ANKFN1: variants seen among roughly 807,000 people sequenced by gnomAD.
The protein encoded by ANKFN1 is ankyrin repeat and fibronectin type-III domain-containing protein 1.
ANKFN1 carries 74 observed loss-of-function variants against 108.7 expected under a neutral mutation model. The observed-to-expected ratio is 0.68, with a 90% CI of 0.56 to 0.83. The LOEUF is 0.83. Ranked by LOEUF, ANKFN1 falls within the 40% of genes least tolerant of loss-of-function variation. ANKFN1 has a pLI of 0.00. For missense variants in ANKFN1, 1,505 were observed against 1,382.3 expected, an observed-to-expected ratio of 1.09 and a Z score of -1.41; for synonymous variants, 547 against 516.2, an observed-to-expected ratio of 1.06 and a Z score of -0.81.
At chr17:56,329,818 G>A (rs958873690) in intron 4 of ANKFN1, among the ~76,000 whole-genome samples, 1 of 152,164 alleles carries the variant, frequency 6.6e-6, no homozygotes, top group African/African-American at 2.4e-5. Flanking sequence ...GAAGATATTA[G>A]GTCATAAGAA....
chr17:56,176,077 G>T (rs1388746857), intron 1 of ANKFN1, among the ~76,000 whole-genome samples: 1 of 151,866 alleles, frequency 6.6e-6, no homozygotes, highest in Non-Finnish European at 1.5e-5. Context: ...GGGAGGGGAG[G>T]ATTGTTCTTA....
chr17:56,437,356 A>G (rs2048962370), intron 8 of ANKFN1, among the ~76,000 whole-genome samples: 1 of 152,198 alleles, frequency 6.6e-6, no homozygotes. Flanking sequence ...TTTGCCAAAT[A>G]ATCTGGTATT....
At chr17:56,050,111 G>A (rs1193480587) in intron 4 of ANKFN1, among the ~76,000 whole-genome samples, 1 of 151,832 alleles carries the variant, frequency 6.6e-6, no homozygotes, top group Non-Finnish European at 1.5e-5. Flanking sequence ...GTATCTCATA[G>A]TGGTTTTGAT....
At chr17:56,234,065 C>G (rs1047749526) in intron 3 of ANKFN1, among the ~76,000 whole-genome samples, 10 of 152,076 alleles carry the variant, frequency 6.6e-5, no homozygotes, top group Non-Finnish European at 1.5e-4. Flanking sequence ...ATTCTCATCA[C>G]TTTCTTAAAC....
At chr17:56,080,529 T>C (rs983109256) in intron 4 of ANKFN1, among the ~76,000 whole-genome samples, 2 of 152,250 alleles carry the variant, frequency 1.3e-5, no homozygotes, top group East Asian at 3.8e-4. Context: ...CACAAGGATG[T>C]TGCTAAGCTT....
rs542214698 is a variant in ANKFN1, at chr17:56,501,688, G to T, written c.2644+2590G>T. On this transcript the variant is annotated intron_variant, in intron 20 of 20. Coordinates refer to ENST00000682825, the MANE Select transcript of ANKFN1 (RefSeq NM_001370326.1). ...GATGTTTGAAGCTAGGAAAATGCTT[G>T]GGATTCCCTGGAAAGAGGAGGTAGA... Among the ~76,000 whole-genome samples the T allele has an allele frequency of 7.6e-4, 116 of 152,262 alleles. 1 individual carries two copies. Among genetic ancestry groups the T allele is most frequent in the African/African-American group, 2.4e-3 (100 of 41,558 alleles).
At chr17:56,345,117 C>T (rs980238228) in intron 4 of ANKFN1, among the ~76,000 whole-genome samples, 8 of 152,012 alleles carry the variant, frequency 5.3e-5, no homozygotes, top group Admixed American at 5.2e-4. Flanking sequence ...TTGTTCAACC[C>T]CACTTATGAG....
chr17:56,056,861 GTTTGAC>G (rs1904889475), intron 4 of ANKFN1, among the ~76,000 whole-genome samples: 1 of 152,190 alleles, frequency 6.6e-6, no homozygotes, highest in Non-Finnish European at 1.5e-5. Context: ...TTGCTGCATT[GTTTGAC>G]TTTGACTCTC....
intron 4 of ANKFN1, among the ~76,000 whole-genome samples, chr17:56,126,375 A>C (rs1290063014): frequency 6.6e-6 from 1 of 152,162 alleles, no homozygotes. Flanking sequence ...TGCTGTCTGC[A>C]AAGAGATGCT....
intron 3 of ANKFN1, among the ~76,000 whole-genome samples, chr17:56,317,657 T>C (rs1598399031): frequency 2.0e-5 from 3 of 152,136 alleles, no homozygotes; most frequent in African/African-American, 7.2e-5. Context: ...CTCCTAAGGG[T>C]ATCGGGTTTA....
rs564254414 is a variant in ANKFN1 at position 56,071,683 on chromosome 17, A to C, written c.288+25358A>C. Among the ~76,000 whole-genome samples, 3 of 152,326 alleles carry C rather than the reference A, an allele frequency of 2.0e-5. No homozygotes were observed. The South Asian group carries it at 6.2e-4, about 32-fold the overall frequency. ...CTATTACAACAAAAACATTATATCCATCTCCCAGTGTAACTTCACACCTGT... is the reference window on the plus strand; with the variant it reads ...CTATTACAACAAAAACATTATATCCCTCTCCCAGTGTAACTTCACACCTGT... On this transcript the variant is annotated intron_variant, in intron 4 of 12. Coordinates refer to the ANKFN1 transcript ENST00000635860.
At chr17:56,257,104 A>G (rs779092103) in intron 3 of ANKFN1, among the ~76,000 whole-genome samples, 1 of 152,194 alleles carries the variant, frequency 6.6e-6, no homozygotes, top group Admixed American at 6.5e-5. Flanking sequence ...TCAAAGTGTT[A>G]CAGTAGATTA....
intron 4 of ANKFN1, among the ~76,000 whole-genome samples, chr17:56,073,343 C>G (rs1250494436): frequency 6.6e-6 from 1 of 152,304 alleles, no homozygotes; most frequent in African/African-American, 2.4e-5. Flanking sequence ...TCAAACACAT[C>G]GAAACATTGA....
At position 56,510,911 on chromosome 17, in the gene ANKFN1, C is replaced by A; in HGVS notation, c.3083C>A (p.Ser1028Ter). 6.5e-7 allele frequency: 1 copy of A among 1,536,170 alleles called. No individual in the cohort carries two copies. The highest frequency in any genetic ancestry group is 8.7e-7 in the Non-Finnish European group (1 of 1,146,914). ...LRIHSETQSL[S>*]LSEGIYTQHL... ...ATCCACAGCGAGACCCAGTCGCTAT[C>A]GCTCTCTGAGGGCATTTATACACAG... The change falls in exon 21 of 21, where the codon TCG becomes TAG. Residue 1028 changes from serine to a stop codon, truncating the protein, a stop_gained. Coordinates refer to ENST00000682825, the MANE Select transcript of ANKFN1 (RefSeq NM_001370326.1). LOFTEE classifies it low-confidence loss of function (END_TRUNC).
intron 4 of ANKFN1, among the ~76,000 whole-genome samples, chr17:56,094,682 T>G (rs1458866299): frequency 3.1e-5 from 4 of 130,090 alleles, no homozygotes; most frequent in African/African-American, 1.1e-4. Flanking sequence ...TGGGTTTTTT[T>G]TTTTTTTTTT....
chr17:56,281,495 A>G (rs74577751), intron 3 of ANKFN1, among the ~76,000 whole-genome samples: 10,271 of 152,278 alleles, frequency 0.067, 885 homozygotes, highest in African/African-American at 0.2. Flanking sequence ...ACAGGACACA[A>G]AAAGTACTAC....
intron 3 of ANKFN1, among the ~76,000 whole-genome samples, chr17:56,242,721 A>G (rs1370440624): frequency 6.6e-6 from 1 of 152,102 alleles, no homozygotes; most frequent in African/African-American, 2.4e-5. Context: ...CAGGATAATG[A>G]CAGCCATTCT....
Position 56,206,345 on chromosome 17 carries a change from C to G in ANKFN1, c.-70-6253C>G, listed in dbSNP as rs996398487. Reference sequence around the variant, plus strand: ...AACTGTTCATAAAGTTCTCCCCTCCCCATGGCCCATGATTACATGATAGTC... The same window carrying G: ...AACTGTTCATAAAGTTCTCCCCTCCGCATGGCCCATGATTACATGATAGTC... On this transcript the variant is annotated intron_variant, in intron 1 of 20. Coordinates refer to ENST00000682825, the MANE Select transcript of ANKFN1 (RefSeq NM_001370326.1). The G allele has an allele frequency of 2.6e-5, 4 of 152,296 alleles. 1 individual carries two copies. The highest frequency in any genetic ancestry group is 4.1e-4 in the South Asian group (2 of 4,832). The allele number at this position is 152,296 out of a possible 1,614,324, so 9.4% of individuals were successfully genotyped here. A position where few individuals can be genotyped will look rare whatever the true frequency, so the allele number is the denominator to read the frequency against.
intron 4 of ANKFN1, among the ~76,000 whole-genome samples, chr17:56,104,055 G>A (rs148932093): frequency 2.0e-5 from 3 of 152,300 alleles, no homozygotes; most frequent in African/African-American, 7.2e-5. Context: ...GCAAGCCATT[G>A]ATATCCTCTG....
Sources: gnomAD v4.1 joint callset for allele counts (sites outside exome capture counted in the v4.1 genomes callset) on GRCh38, gnomAD v4.1.1 for gene constraint, MANE v1.5 for transcripts, NCBI Gene and HGNC (gene_info 2026-07-23, HGNC 2026-07-21) for gene names.